KLF8: variants seen among roughly 807,000 people sequenced by gnomAD.
KLF8 encodes KLF transcription factor 8.
Under a neutral mutation model 18.2 loss-of-function variants are expected in KLF8, and 10 were observed. That is an observed-to-expected ratio of 0.55 (90% CI 0.34 to 0.93). The LOEUF is 0.93. Ranked by LOEUF, KLF8 falls within the 40% of genes least tolerant of loss-of-function variation. The pLI, the probability that KLF8 is intolerant of heterozygous loss-of-function variation, is 0.02. For missense variants in KLF8, 264 were observed against 277.9 expected (o/e 0.95, Z 0.36); for synonymous variants, 109 against 97.3 (o/e 1.12, Z -0.71).
chrX:56,160,483 G>C, the KLF8 span, among the ~76,000 whole-genome samples: 1 of 111,454 alleles, frequency 9.0e-6, no homozygotes, highest in South Asian at 3.8e-4. Flanking sequence ...AATGTTGACA[G>C]TGGGGTGTTA....
chrX:56,262,563 C>G (rs765162086), intron 2 of KLF8, among the ~76,000 whole-genome samples: 20 of 111,603 alleles, frequency 1.8e-4, no homozygotes, highest in Non-Finnish European at 3.6e-4. Flanking sequence ...TAAAATTTAG[C>G]TAAATCTTTT....
the KLF8 span, among the ~76,000 whole-genome samples, chrX:55,925,404 A>G: frequency 9.1e-6 from 1 of 110,052 alleles, no homozygotes; most frequent in Non-Finnish European, 1.9e-5. Flanking sequence ...ACGCATGCAC[A>G]CACACACACA....
At chrX:56,218,383 C>T in the KLF8 span, among the ~76,000 whole-genome samples, 1 of 110,958 alleles carries the variant, frequency 9.0e-6, no homozygotes, top group South Asian at 3.8e-4. Context: ...AAAAACAGTC[C>T]TTTCGCTGGT....
At chrX:55,967,985 G>T in the KLF8 span, among the ~76,000 whole-genome samples, 1 of 111,492 alleles carries the variant, frequency 9.0e-6, no homozygotes, top group African/African-American at 3.3e-5. Context: ...GATAGTATTT[G>T]CAAGCCTTAT....
At chrX:56,070,347 A>G in the KLF8 span, among the ~76,000 whole-genome samples, 1 of 111,687 alleles carries the variant, frequency 9.0e-6, no homozygotes. Context: ...GCAAACCACC[A>G]TGGCACATGT....
chrX:56,110,724 G>C, the KLF8 span, among the ~76,000 whole-genome samples: 4 of 111,099 alleles, frequency 3.6e-5, no homozygotes, highest in Non-Finnish European at 7.6e-5. Context: ...TCCAAAATTT[G>C]TTTCTGTATG....
chrX:56,144,688 G>T, the KLF8 span, among the ~76,000 whole-genome samples: 1 of 103,841 alleles, frequency 9.6e-6, no homozygotes, highest in Non-Finnish European at 2.0e-5. Context: ...GGGAGGTGGA[G>T]GTTGCAGTCA....
At chrX:55,929,875 G>A in the KLF8 span, among the ~76,000 whole-genome samples, 1 of 107,189 alleles carries the variant, frequency 9.3e-6, no homozygotes, top group Admixed American at 1.0e-4. Context: ...CTCTTTTTTG[G>A]TTCCATATGA....
At chrX:56,133,706 G>T in the KLF8 span, among the ~76,000 whole-genome samples, 1 of 111,575 alleles carries the variant, frequency 9.0e-6, no homozygotes, top group East Asian at 2.8e-4. Context: ...ATCCAAATTG[G>T]TAAAGAGGAA....
the KLF8 span, among the ~76,000 whole-genome samples, chrX:56,036,183 C>T: frequency 2.7e-5 from 3 of 111,420 alleles, no homozygotes; most frequent in Admixed American, 9.5e-5. Flanking sequence ...GTATAGTGAA[C>T]AGATCATGGT....
At chrX:56,071,069 C>T in the KLF8 span, among the ~76,000 whole-genome samples, 4 of 111,586 alleles carry the variant, frequency 3.6e-5, no homozygotes, top group South Asian at 3.8e-4. Context: ...TAATAGATAA[C>T]CTAGATATTA....
At chrX:56,189,876 G>T in the KLF8 span, among the ~76,000 whole-genome samples, 22 of 66,885 alleles carry the variant, frequency 3.3e-4, no homozygotes, top group South Asian at 1.5e-3. Context: ...GTTGTGGGGT[G>T]GGGGGAGGGG....
chrX:55,950,320 G>A, the KLF8 span, among the ~76,000 whole-genome samples: 356 of 111,014 alleles, frequency 3.2e-3, 3 homozygotes, highest in African/African-American at 0.011. Context: ...TTTCAGAGTG[G>A]CCAACAGCAG....
the KLF8 span, among the ~76,000 whole-genome samples, chrX:56,019,479 G>A: frequency 8.9e-6 from 1 of 112,473 alleles, no homozygotes; most frequent in African/African-American, 3.2e-5. Context: ...ACATTCAGTT[G>A]ATGTATTGAG....
At chrX:56,230,028 G>C (rs1454791973), upstream of KLF8, among the ~76,000 whole-genome samples, 1 of 112,156 alleles carries the variant, frequency 8.9e-6, no homozygotes, top group Non-Finnish European at 1.9e-5. Flanking sequence ...CAAAAAGCTA[G>C]AGCTTAAAAT....
chrX:56,208,853 T>C, the KLF8 span, among the ~76,000 whole-genome samples: 1 of 112,281 alleles, frequency 8.9e-6, no homozygotes. Context: ...TTTAAAAAAA[T>C]TTTTAAGACT....
chrX:56,052,174 A>G, the KLF8 span, among the ~76,000 whole-genome samples: 7 of 109,897 alleles, frequency 6.4e-5, no homozygotes, highest in African/African-American at 1.3e-4. Context: ...ATTCTTCTAA[A>G]TTTTTTTCAA....
At chrX:56,103,071 T>C in the KLF8 span, among the ~76,000 whole-genome samples, 5 of 110,415 alleles carry the variant, frequency 4.5e-5, no homozygotes, top group Non-Finnish European at 9.5e-5. Context: ...TTGGTCTATA[T>C]CTCCATTTTG....
the KLF8 span, among the ~76,000 whole-genome samples, chrX:56,098,492 T>G: frequency 9.0e-6 from 1 of 111,682 alleles, no homozygotes; most frequent in Non-Finnish European, 1.9e-5. Flanking sequence ...CACATGATTA[T>G]CTCAATGGAT....
Sources: allele counts gnomAD v4.1 joint callset (sites outside exome capture counted in the v4.1 genomes callset), GRCh38; gene constraint gnomAD v4.1.1; transcripts MANE v1.5; gene names NCBI Gene and HGNC (gene_info 2026-07-23, HGNC 2026-07-21).